The following LRRC36 variants were observed in gnomAD, a reference collection of about 807,000 sequenced individuals.
LRRC36 encodes the protein leucine-rich repeat-containing protein 36.
A neutral mutation model predicts 81.1 loss-of-function variants in LRRC36; 62 were observed. The ratio of observed to expected loss-of-function variants is 0.76; its 90% CI spans 0.62 to 0.94. The LOEUF is 0.94. Ranked by LOEUF, LRRC36 falls within the 40% of genes least tolerant of loss-of-function variation. The pLI, the probability that LRRC36 is intolerant of heterozygous loss-of-function variation, is 0.00. For missense variants in LRRC36, 761 were observed against 881.7 expected (o/e 0.86, Z 1.73); for synonymous variants, 334 against 348.6 (o/e 0.96, Z 0.47).
chr16:67,332,919 T>G (rs2037568632), intron 1 of LRRC36, among the ~76,000 whole-genome samples: 1 of 151,574 alleles, frequency 6.6e-6, no homozygotes, highest in African/African-American at 2.4e-5. Context: ...AAAAACATGG[T>G]CTTATTCTGT....
At chr16:67,353,173 A>AAAAC (rs974168558) in intron 5 of LRRC36, among the ~76,000 whole-genome samples, 1 of 151,978 alleles carries the variant, frequency 6.6e-6, no homozygotes. Flanking sequence ...AATAACCCCC[A>AAAAC]AAACAAACAA....
At position 67,363,661 on chromosome 16, in the gene LRRC36, C is replaced by G. The variant is rs1028501750; in HGVS notation, c.649C>G (p.Gln217Glu). ...IKDSLSTSATQGNGTRDQKLD... is the reference protein window; with the variant it reads ...IKDSLSTSATEGNGTRDQKLD... ...GGATTCCCTAAGTACTTCTGCAACT[C>G]AGGGCAATGGTACACGTGATCAGAA... The change falls in exon 6 of 14, where the codon CAG (glutamine) becomes GAG (glutamate). Residue 217 changes from glutamine (Q) to glutamate (E), a missense_variant. By Grantham distance (29) the Gln-to-Glu change is conservative. Coordinates refer to ENST00000329956, the MANE Select transcript of LRRC36 (RefSeq NM_018296.6). 1 of 1,613,368 alleles carries G rather than the reference C, an allele frequency of 6.2e-7. No homozygotes were observed. The highest frequency in any genetic ancestry group is 1.7e-5 in the Admixed American group (1 of 60,018).
At chr16:67,339,067 G>A (rs1440613897) in intron 1 of LRRC36, among the ~76,000 whole-genome samples, 1 of 150,130 alleles carries the variant, frequency 6.7e-6, no homozygotes, top group Non-Finnish European at 1.5e-5. Flanking sequence ...GCTAATTTTT[G>A]TATTTTTGGT....
chr16:67,363,609 T>TA lies in LRRC36; in HGVS notation c.598dup (p.Ile200AsnfsTer24). ...ACACAGACTCAAACAAAGGACTTTT[T>TA]ATTCCCTTCCCCAACCGGGAAATAA... On this transcript the variant is annotated frameshift_variant, in exon 6 of 14. Transcript: ENST00000329956. LOFTEE classifies it high-confidence loss of function. 3 of 1,614,036 alleles carry TA rather than the reference T, an allele frequency of 1.9e-6. No individual in the cohort carries two copies. Among genetic ancestry groups the TA allele is most frequent in the Non-Finnish European group, 2.5e-6 (3 of 1,179,894 alleles).
chr16:67,371,230 T>A lies in LRRC36; in HGVS notation c.1482T>A (p.Ala494=). The change falls in exon 9 of 14, where the codon GCT becomes GCA. Residue 494 remains alanine (A), a synonymous_variant. Transcript: ENST00000329956. ...NLNLKHGFQD[A]TGSEPLSSDL... is the part of the protein sequence containing the mutation. ...ATCTAAAGCATGGTTTCCAAGATGC[T>A]ACAGGCAGCGAGGCAAGTGTTGGCT... 6.2e-7 allele frequency: 1 copy of A among 1,614,188 alleles called. No individual in the cohort carries two copies. Among genetic ancestry groups the A allele is most frequent in the Non-Finnish European group, 8.5e-7 (1 of 1,180,032 alleles).
intron 5 of LRRC36, among the ~76,000 whole-genome samples, chr16:67,355,372 T>G (rs2142056049): frequency 9.4e-6 from 1 of 106,126 alleles, no homozygotes; most frequent in East Asian, 2.1e-4. Context: ...TCTTTTTTTT[T>G]TTTTTTTTTT....
intron 4 of LRRC36, among the ~76,000 whole-genome samples, chr16:67,348,100 G>A (rs2038439137): frequency 6.6e-6 from 1 of 152,146 alleles, no homozygotes; most frequent in Non-Finnish European, 1.5e-5. Context: ...ATCAAAAGAA[G>A]TTACCATTAT....
At chr16:67,372,367 A>T (rs2039686241) in intron 9 of LRRC36, among the ~76,000 whole-genome samples, 2 of 151,970 alleles carry the variant, frequency 1.3e-5, no homozygotes, top group South Asian at 4.1e-4. Flanking sequence ...CAAAAAAAAA[A>T]AAATAAAATA....
At chr16:67,350,086 T>G in intron 4 of LRRC36, 116 bp from the exon 5 acceptor site, 1 of 682,134 alleles carries the variant, frequency 1.5e-6, no homozygotes, top group Non-Finnish European at 2.5e-6. Context: ...TAATATGTTC[T>G]AGAGCATTTG....
intron 9 of LRRC36, 22 bp from the exon 10 acceptor site, chr16:67,375,225 T>C: frequency 1.2e-6 from 2 of 1,607,356 alleles, no homozygotes; most frequent in Non-Finnish European, 1.7e-6. Flanking sequence ...TTGTTTGTTT[T>C]TGCTTTTTTT....
intron 9 of LRRC36, among the ~76,000 whole-genome samples, chr16:67,373,157 A>T (rs2142140897): frequency 6.6e-6 from 1 of 152,252 alleles, no homozygotes; most frequent in South Asian, 2.1e-4. Context: ...GTTTAAGATC[A>T]TCCTGGGCAA....
At position 67,339,092 on chromosome 16, in the gene LRRC36, A is replaced by G. The variant is rs559467331; in HGVS notation, c.71-2865A>G. On this transcript the variant is annotated intron_variant, in intron 1 of 13. Transcript: ENST00000329956. ...GTATTTTTGGTAGAGACGTGGTTTC[A>G]CCATGTTGGCCAGGCTGGTCTCGAA... 3.3e-5 allele frequency among the ~76,000 whole-genome samples: 5 copies of G among 150,414 alleles called. No individual in the cohort carries two copies. In the East Asian group the frequency reaches 9.8e-4, roughly 29 times the overall value.
intron 1 of LRRC36, among the ~76,000 whole-genome samples, chr16:67,332,986 G>A (rs1430607568): frequency 6.6e-6 from 1 of 151,728 alleles, no homozygotes; most frequent in African/African-American, 2.4e-5. Flanking sequence ...CGACCTCCTG[G>A]GCTCAAGCAA....
rs745853057 is a variant in LRRC36, at chr16:67,370,908, A to C, written c.1196-36A>C. On this transcript the variant is annotated intron_variant, in intron 8 of 13. Coordinates refer to ENST00000329956, the MANE Select transcript of LRRC36 (RefSeq NM_018296.6). Reference sequence around the variant, plus strand: ...TAGAAGTGAGACATGAGGCAGTCAGAGGGCAGGTTCATCTGTTAGCCTGTT... The same window carrying C: ...TAGAAGTGAGACATGAGGCAGTCAGCGGGCAGGTTCATCTGTTAGCCTGTT... The C allele has an allele frequency of 1.1e-5, 17 of 1,578,360 alleles. No individual in the cohort carries two copies. The African/African-American group carries it at 2.0e-4, about 19-fold the overall frequency.
chr16:67,375,296 G>A lies in LRRC36; in HGVS notation c.1544G>A (p.Ser515Asn). ...TTGCACGGTTTGGCTGGAAACCACA[G>A]TCCCCCCATCTCTGCCAGAACCCCC... is the stretch of plus-strand genomic sequence containing the variant. ...GSLHGLAGNH[S>N]PPISARTPHV... is the part of the protein sequence containing the mutation. The change falls in exon 10 of 14, where the codon AGT (serine) becomes AAT (asparagine). Residue 515 changes from serine (S) to asparagine (N), a missense_variant. By Grantham distance (46) the Ser-to-Asn change is conservative. Coordinates refer to ENST00000329956, the MANE Select transcript of LRRC36 (RefSeq NM_018296.6). The A allele has an allele frequency of 6.2e-7, 1 of 1,612,712 alleles. No homozygotes were observed. The highest frequency in any genetic ancestry group is 2.2e-5 in the East Asian group (1 of 44,850).
chr16:67,350,315 A>C, intron 5 of LRRC36, 25 bp downstream of exon 5: 1 of 1,557,210 alleles, frequency 6.4e-7, no homozygotes, highest in Non-Finnish European at 8.8e-7. Flanking sequence ...TGTGATTATA[A>C]AATGATTAAA....
rs2039322562 is a variant in LRRC36, at chr16:67,365,100, A to G, written c.703-204A>G. On this transcript the variant is annotated intron_variant, in intron 6 of 13. Coordinates refer to ENST00000329956, the MANE Select transcript of LRRC36 (RefSeq NM_018296.6). ...TTGCTATGTCCTTTACTTCCTAAGG[A>G]TATTCAAGCAACTCTGGAATCTCCT... is the stretch of plus-strand genomic sequence containing the variant. 3 of 521,290 alleles carry G rather than the reference A, an allele frequency of 5.8e-6. No individual in the cohort carries two copies. In the Admixed American group the frequency reaches 1.1e-4, roughly 19 times the overall value. 32.3% of individuals were successfully genotyped at this position (521,290 alleles called of 1,614,324 possible).
intron 7 of LRRC36, 122 bp downstream of exon 7, chr16:67,365,477 T>C (rs532963182): frequency 1.3e-6 from 1 of 787,814 alleles, no homozygotes; most frequent in Non-Finnish European, 2.1e-6. Flanking sequence ...TAATTTCTGC[T>C]TTTGTGAGGG....
chr16:67,370,859 C>A, intron 8 of LRRC36, 85 bp from the exon 9 acceptor site: 1 of 1,157,430 alleles, frequency 8.6e-7, no homozygotes, highest in South Asian at 1.4e-5. Context: ...TATTATGACC[C>A]TTGGACTACA....
Sources: allele counts gnomAD v4.1 joint callset (sites outside exome capture counted in the v4.1 genomes callset), GRCh38; gene constraint gnomAD v4.1.1; transcripts MANE v1.5; gene names NCBI Gene and HGNC (gene_info 2026-07-23, HGNC 2026-07-21).